The following MAGI2 variants were observed in gnomAD, a reference collection of about 807,000 sequenced individuals.
MAGI2 encodes membrane-associated guanylate kinase, WW and PDZ domain-containing protein 2.
MAGI2 carries 35 observed loss-of-function variants against 133.3 expected under a neutral mutation model. The ratio of observed to expected loss-of-function variants is 0.26; its 90% CI spans 0.20 to 0.35. The LOEUF (loss-of-function observed/expected upper bound fraction) is 0.35, where lower values mean the gene tolerates loss of function less well. MAGI2 is among the 10% of genes least tolerant of loss of function. The pLI is 1.00. For synonymous variants in MAGI2, 729 were observed against 710.6 expected, an observed-to-expected ratio of 1.03 and a Z score of -0.41; for missense variants, 1,636 against 1,863.4, an observed-to-expected ratio of 0.88 and a Z score of 2.25.
chr7:78,052,151 A>G (rs898107581), intron 21 of MAGI2, among the ~76,000 whole-genome samples: 1 of 143,618 alleles, frequency 7.0e-6, no homozygotes, highest in Non-Finnish European at 1.5e-5. Context: ...GGTGTGAGCT[A>G]CTGTGCCAGC....
At chr7:78,690,134 ATAC>A (rs1431054376) in intron 2 of MAGI2, among the ~76,000 whole-genome samples, 2 of 152,234 alleles carry the variant, frequency 1.3e-5, no homozygotes, top group African/African-American at 4.8e-5. Flanking sequence ...GAATTTGAAC[ATAC>A]TACATTTTGT....
intron 2 of MAGI2, among the ~76,000 whole-genome samples, chr7:78,809,052 T>A (rs1788824115): frequency 6.6e-6 from 1 of 152,226 alleles, no homozygotes. Flanking sequence ...AGATTAAGTA[T>A]AACTTAACAT....
chr7:78,452,312 C>T (rs1788809256), intron 6 of MAGI2, among the ~76,000 whole-genome samples: 1 of 151,972 alleles, frequency 6.6e-6, no homozygotes, highest in African/African-American at 2.4e-5. Flanking sequence ...ATGGTACTCT[C>T]TCCCTGATTT....
intron 2 of MAGI2, among the ~76,000 whole-genome samples, chr7:78,666,114 CG>C (rs1360670097): frequency 6.6e-6 from 1 of 152,022 alleles, no homozygotes; most frequent in Non-Finnish European, 1.5e-5. Context: ...TGCTATCCAA[CG>C]TAAGTCTCAA....
At chr7:79,241,771 T>C (rs2129555044) in intron 1 of MAGI2, among the ~76,000 whole-genome samples, 1 of 152,298 alleles carries the variant, frequency 6.6e-6, no homozygotes, top group East Asian at 1.9e-4. Context: ...TAACATCATA[T>C]TGTAGAATCT....
At chr7:78,813,048 A>G (rs563742254) in intron 2 of MAGI2, among the ~76,000 whole-genome samples, 1 of 152,342 alleles carries the variant, frequency 6.6e-6, no homozygotes, top group South Asian at 2.1e-4. Context: ...TAGACAGAAT[A>G]CATGAAACAA....
intron 3 of MAGI2, among the ~76,000 whole-genome samples, chr7:78,580,820 T>C (rs1802756496): frequency 6.6e-6 from 1 of 152,202 alleles, no homozygotes; most frequent in Admixed American, 6.5e-5. Context: ...TGATTTGAAA[T>C]TATTTTTAAA....
chr7:78,264,865 C>T (rs1193746912), intron 9 of MAGI2, among the ~76,000 whole-genome samples: 2 of 152,238 alleles, frequency 1.3e-5, no homozygotes, highest in East Asian at 3.9e-4. Flanking sequence ...TTCAGTGGTG[C>T]AGTTAAACAG....
chr7:78,237,437 T>C (rs181382829), intron 10 of MAGI2, among the ~76,000 whole-genome samples: 24 of 152,294 alleles, frequency 1.6e-4, no homozygotes, highest in Admixed American at 1.6e-3. Flanking sequence ...TTAAAATTTT[T>C]TATTTTTATG....
intron 2 of MAGI2, among the ~76,000 whole-genome samples, chr7:78,866,764 A>G (rs1418884331): frequency 1.3e-5 from 2 of 152,138 alleles, no homozygotes; most frequent in African/African-American, 4.8e-5. Context: ...AAGACTCCAC[A>G]TACTCAGATG....
intron 2 of MAGI2, among the ~76,000 whole-genome samples, chr7:78,945,623 T>G (rs1801355413): frequency 6.6e-6 from 1 of 152,168 alleles, no homozygotes; most frequent in African/African-American, 2.4e-5. Context: ...TAGTCACTAA[T>G]AAAGCAAACA....
chr7:78,798,309 C>A (rs1787781639), intron 2 of MAGI2, among the ~76,000 whole-genome samples: 1 of 152,068 alleles, frequency 6.6e-6, no homozygotes. Context: ...TTACAAATGA[C>A]TAGTCAATTC....
chr7:79,121,543 A>G (rs1819901119), intron 1 of MAGI2, among the ~76,000 whole-genome samples: 1 of 152,036 alleles, frequency 6.6e-6, no homozygotes, highest in Non-Finnish European at 1.5e-5. Context: ...GTATCATCCC[A>G]TGGTAAATTC....
At chr7:79,059,651 C>A (rs1172663941) in intron 1 of MAGI2, among the ~76,000 whole-genome samples, 2 of 151,962 alleles carry the variant, frequency 1.3e-5, no homozygotes, top group Non-Finnish European at 2.9e-5. Flanking sequence ...GTTATTAGAT[C>A]TTTATGTCCA....
chr7:78,618,470 T>G (rs1485799637), intron 3 of MAGI2: 1 of 151,974 alleles, frequency 6.6e-6, no homozygotes, highest in Admixed American at 6.6e-5. Context: ...ATGCACCTAA[T>G]TATTCAAGGT....
intron 1 of MAGI2, among the ~76,000 whole-genome samples, chr7:79,085,793 A>C (rs1472896547): frequency 6.6e-6 from 1 of 151,828 alleles, no homozygotes; most frequent in African/African-American, 2.4e-5. Flanking sequence ...CAATGCTTGG[A>C]CACAGATTTC....
At chr7:78,334,083 C>T (rs189026888) in intron 9 of MAGI2, among the ~76,000 whole-genome samples, 1 of 152,288 alleles carries the variant, frequency 6.6e-6, no homozygotes, top group African/African-American at 2.4e-5. Flanking sequence ...TTTCAAATGA[C>T]TTCTTAGGCT....
intron 1 of MAGI2, among the ~76,000 whole-genome samples, chr7:79,267,127 G>A (rs965383030): frequency 2.0e-5 from 3 of 152,086 alleles, no homozygotes; most frequent in African/African-American, 2.4e-5. Flanking sequence ...CCCCTTTCCC[G>A]AAATGTACCC....
chr7:79,061,662 T>C (rs1304101776), intron 1 of MAGI2, among the ~76,000 whole-genome samples: 2 of 152,126 alleles, frequency 1.3e-5, no homozygotes, highest in Non-Finnish European at 2.9e-5. Context: ...AAATAAGTTC[T>C]ACTTTGTATG....
Sources: allele counts gnomAD v4.1 joint callset (sites outside exome capture counted in the v4.1 genomes callset), GRCh38; gene constraint gnomAD v4.1.1; transcripts MANE v1.5; gene names NCBI Gene and HGNC (gene_info 2026-07-23, HGNC 2026-07-21).